Variants in PCGF6 observed in about 807,000 individuals in gnomAD.
The protein encoded by PCGF6 is polycomb group ring finger 6.
In PCGF6, 24 loss-of-function variants were observed where a neutral mutation model predicts 45.5. That is an observed-to-expected ratio of 0.53 (90% confidence interval 0.38 to 0.74). The LOEUF is 0.74. Among genes scored for constraint, PCGF6 ranks in the 30% least tolerant of loss-of-function variants. The pLI, the probability that PCGF6 is intolerant of heterozygous loss-of-function variation, is 0.00. For missense variants in PCGF6, 356 were observed against 443.2 expected (o/e 0.80, Z 1.77); for synonymous variants, 152 against 162.1 (o/e 0.94, Z 0.47).
chr10:103,325,878 C>T (rs1353233383), intron 8 of PCGF6, among the ~76,000 whole-genome samples: 1 of 147,186 alleles, frequency 6.8e-6, no homozygotes, highest in African/African-American at 2.5e-5. Flanking sequence ...AAAAAATTAG[C>T]TGGGCATGGT....
At chr10:103,334,002 G>A (rs1232659647) in intron 6 of PCGF6, 50 bp from the exon 7 acceptor site, 5 of 1,242,918 alleles carry the variant, frequency 4.0e-6, no homozygotes, top group African/African-American at 3.2e-5. Flanking sequence ...TAAGCTATAT[G>A]TTTAATCATA....
intron 8 of PCGF6, among the ~76,000 whole-genome samples, chr10:103,316,041 GAGAT>G (rs1267975407): frequency 6.8e-6 from 1 of 146,096 alleles, no homozygotes; most frequent in African/African-American, 2.5e-5. Context: ...GAGAGAGAGA[GAGAT>G]ATCTCACTTA....
At chr10:103,305,609 C>A (rs1277398190) in intron 9 of PCGF6, among the ~76,000 whole-genome samples, 1 of 151,980 alleles carries the variant, frequency 6.6e-6, no homozygotes, top group East Asian at 1.9e-4. Flanking sequence ...TTAGATTCTC[C>A]TAAAAAAGAC....
chr10:103,342,760 T>C (rs1315190031), intron 6 of PCGF6, among the ~76,000 whole-genome samples: 1 of 152,162 alleles, frequency 6.6e-6, no homozygotes, highest in Non-Finnish European at 1.5e-5. Context: ...ATACCATTAT[T>C]TAACCTACTC....
At chr10:103,310,319 T>C (rs2093152818) in intron 9 of PCGF6, among the ~76,000 whole-genome samples, 1 of 151,514 alleles carries the variant, frequency 6.6e-6, no homozygotes. Flanking sequence ...GACAAAATCA[T>C]AACAATGGTT....
chr10:103,329,636 CT>C (rs1413563910), intron 7 of PCGF6, among the ~76,000 whole-genome samples: 2 of 151,528 alleles, frequency 1.3e-5, no homozygotes. Flanking sequence ...AGCCACCACA[CT>C]AATTTTTGTT....
At chr10:103,318,222 C>T (rs1326958805) in intron 8 of PCGF6, among the ~76,000 whole-genome samples, 1 of 150,926 alleles carries the variant, frequency 6.6e-6, no homozygotes, top group Non-Finnish European at 1.5e-5. Flanking sequence ...ACGGGCAGAT[C>T]ACCTGAGGTC....
intron 6 of PCGF6, among the ~76,000 whole-genome samples, chr10:103,334,278 T>C (rs1265275446): frequency 6.6e-6 from 1 of 152,098 alleles, no homozygotes; most frequent in East Asian, 1.9e-4. Context: ...TAAAATTGTG[T>C]ATATCTATAG....
chr10:103,337,840 G>A lies in PCGF6; in HGVS notation c.783-3888C>T, dbSNP rs1342498757. Among the ~76,000 whole-genome samples, 14 of 69,474 alleles carry A rather than the reference G, an allele frequency of 2.0e-4. 5 individuals are homozygous for A. Among genetic ancestry groups the A allele is most frequent in the South Asian group, 7.9e-4 (1 of 1,268 alleles). The allele number at this position is 69,474 out of a possible 152,430, so 45.6% of individuals were successfully genotyped here. On this transcript the variant is annotated intron_variant, in intron 6 of 9. Transcript: ENST00000369847. ...AGCACTTTGGGAGGCCGAGGCGGGC[G>A]GATCACGAGGTCAGGAGATCGAGAC...
At chr10:103,315,804 A>G (rs2093172932) in intron 8 of PCGF6, among the ~76,000 whole-genome samples, 1 of 152,042 alleles carries the variant, frequency 6.6e-6, no homozygotes, top group Non-Finnish European at 1.5e-5. Flanking sequence ...CGGCCAATAT[A>G]CTGACTTTTA....
rs201660003 is a variant in PCGF6 at position 103,339,810 on chromosome 10, A to AACAC, written c.782+5210_782+5213dup. Among the ~76,000 whole-genome samples, 34 of 32,222 alleles carry AACAC rather than the reference A, an allele frequency of 1.1e-3. 1 individual carries two copies. The highest frequency in any genetic ancestry group is 1.9e-3 in the East Asian group (1 of 528). 21.1% of individuals were successfully genotyped at this position (32,222 alleles called of 152,430 possible). A position where few individuals can be genotyped will look rare whatever the true frequency, so the allele number is the denominator to read the frequency against. On this transcript the variant is annotated intron_variant, in intron 6 of 9. Transcript: ENST00000369847. Reference sequence around the variant, plus strand: ...GAAATTCTGTCTGTCTCAAAAAAAAAACACACACACACACACACACACACA... The same window carrying AACAC: ...GAAATTCTGTCTGTCTCAAAAAAAAAACACACACACACACACACACACACACACA...
chr10:103,341,066 C>A (rs1299720652), intron 6 of PCGF6, among the ~76,000 whole-genome samples: 1 of 151,656 alleles, frequency 6.6e-6, no homozygotes, highest in South Asian at 2.1e-4. Context: ...CCTGTCTCTA[C>A]TAAAAATAGA....
intron 7 of PCGF6, among the ~76,000 whole-genome samples, chr10:103,327,836 A>T (rs1592065387): frequency 6.9e-6 from 1 of 145,248 alleles, no homozygotes; most frequent in South Asian, 2.1e-4. Flanking sequence ...CACTACGCCC[A>T]ACTAATTTTT....
chr10:103,314,182 C>G lies in PCGF6; in HGVS notation c.996+4G>C. On this transcript the variant is annotated splice_donor_region_variant and intron_variant, in intron 9 of 9. Transcript: ENST00000369847. ...TGTTAGACATGGGTATGTCTATAAC[C>G]TACCTGCATTGCTGCATCACCTATT... The G allele has an allele frequency of 6.3e-7, 1 of 1,583,382 alleles. No individual in the cohort carries two copies.
chr10:103,333,841 A>C (rs1234348348), intron 7 of PCGF6, 84 bp downstream of exon 7: 4 of 915,500 alleles, frequency 4.4e-6, no homozygotes, highest in Non-Finnish European at 6.6e-6. Flanking sequence ...TTATTTATAC[A>C]ATCTCCATTT....
chr10:103,314,323 C>A, intron 8 of PCGF6, 51 bp from the exon 9 acceptor site: 2 of 1,073,054 alleles, frequency 1.9e-6, no homozygotes, highest in Non-Finnish European at 2.8e-6. Context: ...AAAATACCAT[C>A]TGAAGAAATG....
chr10:103,335,992 C>T (rs755203281), intron 6 of PCGF6, among the ~76,000 whole-genome samples: 19 of 151,482 alleles, frequency 1.3e-4, no homozygotes, highest in Non-Finnish European at 1.9e-4. Context: ...AGAGGCCAGG[C>T]GCGGTGGCTC....
intron 6 of PCGF6, among the ~76,000 whole-genome samples, chr10:103,339,174 G>A (rs759588542): frequency 1.3e-5 from 2 of 152,158 alleles, no homozygotes; most frequent in Non-Finnish European, 2.9e-5. Context: ...CATCATTTTG[G>A]GAGGCCAAGG....
chr10:103,336,752 G>A (rs1232951519), intron 6 of PCGF6, among the ~76,000 whole-genome samples: 1 of 152,162 alleles, frequency 6.6e-6, no homozygotes, highest in Non-Finnish European at 1.5e-5. Context: ...GCACATGCCT[G>A]TAATCCTAGC....
Sources: allele counts gnomAD v4.1 joint callset (sites outside exome capture counted in the v4.1 genomes callset), GRCh38; gene constraint gnomAD v4.1.1; transcripts MANE v1.5; gene names NCBI Gene and HGNC (gene_info 2026-07-23, HGNC 2026-07-21).